ENPEP: variants seen among roughly 807,000 people sequenced by gnomAD.
ENPEP encodes the protein AP-A.
A neutral mutation model predicts 114.5 loss-of-function variants in ENPEP; 103 were observed. That is an observed-to-expected ratio of 0.90 (90% CI 0.77 to 1.06). The LOEUF is 1.06. Among genes scored for constraint, ENPEP ranks in the 50% least tolerant of loss-of-function variants. ENPEP has a pLI of 0.00. For synonymous variants in ENPEP, 420 were observed against 422.0 expected (o/e 1.00, Z 0.06); for missense variants, 1,196 against 1,161.3 (o/e 1.03, Z -0.43).
intron 10 of ENPEP, among the ~76,000 whole-genome samples, chr4:110,525,346 C>A (rs1354490247): frequency 6.6e-6 from 1 of 152,202 alleles, no homozygotes; most frequent in Non-Finnish European, 1.5e-5. Flanking sequence ...CCCAGCTGAG[C>A]CCCTCCTAGA....
rs1361740383 is a variant in ENPEP at position 110,491,132 on chromosome 4, T to G, written c.886T>G (p.Ser296Ala). ...GTGCTTTGCTGTACATCAATTTGAC[T>G]CTGTAAAGAGAATATCAAATAGTGG... ...LVCFAVHQFD[S>A]VKRISNSGKP... Residue 296 changes from serine (S) to alanine (A), a missense_variant, in exon 3 of 20, where the codon TCT becomes GCT. Transcript: ENST00000265162. 1 of 1,611,370 alleles carries G rather than the reference T, an allele frequency of 6.2e-7. No individual in the cohort carries two copies.
Position 110,561,854 on chromosome 4 carries a change from G to T in ENPEP, c.*296G>T. 1 of 195,918 alleles carries T rather than the reference G, an allele frequency of 5.1e-6. No individual in the cohort carries two copies. 12.1% of individuals were successfully genotyped at this position (195,918 alleles called of 1,614,324 possible). ...TTAATACCTTTAAATATCATTCTTT[G>T]TATCTTAAATCTGTGAAGTAGAACA... On this transcript the variant is annotated 3_prime_UTR_variant, in exon 20 of 20. Coordinates refer to ENST00000265162, the MANE Select transcript of ENPEP (RefSeq NM_001977.4).
intron 18 of ENPEP, among the ~76,000 whole-genome samples, chr4:110,555,147 C>T (rs1465740891): frequency 6.6e-6 from 1 of 151,860 alleles, no homozygotes; most frequent in Non-Finnish European, 1.5e-5. Flanking sequence ...AACTCTTGCC[C>T]AAGGCTTTAG....
intron 10 of ENPEP, among the ~76,000 whole-genome samples, chr4:110,524,276 A>G (rs2110367019): frequency 6.6e-6 from 1 of 152,262 alleles, no homozygotes. Flanking sequence ...GGCCTGTGGG[A>G]AGGGTGAGTA....
intron 10 of ENPEP, among the ~76,000 whole-genome samples, chr4:110,521,231 A>G (rs535883790): frequency 2.6e-5 from 4 of 152,066 alleles, no homozygotes; most frequent in Admixed American, 2.6e-4. Context: ...GCACTGGAGT[A>G]TGGTAGTTCA....
chr4:110,483,519 C>T (rs917183988), intron 1 of ENPEP, among the ~76,000 whole-genome samples: 7 of 151,984 alleles, frequency 4.6e-5, no homozygotes, highest in African/African-American at 9.7e-5. Flanking sequence ...CTTGTGCCAT[C>T]GCCCCTTCTC....
At chr4:110,526,424 A>G (rs1726199694) in intron 10 of ENPEP, among the ~76,000 whole-genome samples, 1 of 152,240 alleles carries the variant, frequency 6.6e-6, no homozygotes, top group South Asian at 2.1e-4. Flanking sequence ...TTTATTTTAT[A>G]GTAAATGAGG....
At chr4:110,556,117 A>G (rs1727458763) in intron 18 of ENPEP, among the ~76,000 whole-genome samples, 1 of 152,120 alleles carries the variant, frequency 6.6e-6, no homozygotes, top group Non-Finnish European at 1.5e-5. Flanking sequence ...AGCTGCAATT[A>G]GCAGACTTTC....
At chr4:110,553,247 T>C in intron 17 of ENPEP, 68 bp from the exon 18 acceptor site, 2 of 1,380,694 alleles carry the variant, frequency 1.4e-6, no homozygotes, top group South Asian at 3.6e-5. Context: ...CTATTTTGTA[T>C]TGGAATTTAG....
intron 11 of ENPEP, among the ~76,000 whole-genome samples, chr4:110,536,606 A>G (rs1726639379): frequency 6.6e-6 from 1 of 152,236 alleles, no homozygotes; most frequent in South Asian, 2.1e-4. Context: ...TCTCTGTCAC[A>G]TACACTGTTT....
intron 17 of ENPEP, among the ~76,000 whole-genome samples, chr4:110,552,145 G>A (rs549451263): frequency 2.6e-5 from 4 of 152,198 alleles, no homozygotes; most frequent in South Asian, 2.1e-4. Flanking sequence ...CCCACAAGTC[G>A]AAGGAACCAG....
At chr4:110,548,469 T>A in intron 14 of ENPEP, 143 bp downstream of exon 14, 2 of 587,434 alleles carry the variant, frequency 3.4e-6, no homozygotes, top group African/African-American at 1.9e-5. Flanking sequence ...ATGACTTGAC[T>A]AATCAAAGCA....
chr4:110,514,330 A>T (rs1438854881), intron 7 of ENPEP, among the ~76,000 whole-genome samples: 1 of 152,110 alleles, frequency 6.6e-6, no homozygotes, highest in African/African-American at 2.4e-5. Flanking sequence ...TAAAATGAAT[A>T]CTTGAGTGAA....
Position 110,561,626 on chromosome 4 carries a change from A to C in ENPEP, c.*68A>C. Reference sequence around the variant, plus strand: ...CTCCTCTGAAGCATTTGGTGGCCTAATTTACAAGCACGATGGAGAGAGCCT... The same window carrying C: ...CTCCTCTGAAGCATTTGGTGGCCTACTTTACAAGCACGATGGAGAGAGCCT... On this transcript the variant is annotated 3_prime_UTR_variant, in exon 20 of 20. Transcript: ENST00000265162. The C allele has an allele frequency of 6.8e-7, 1 of 1,468,384 alleles. No homozygotes were observed. The highest frequency in any genetic ancestry group is 9.3e-7 in the Non-Finnish European group (1 of 1,073,914). 91.0% of individuals were successfully genotyped at this position (1,468,384 alleles called of 1,614,324 possible). A position where few individuals can be genotyped will look rare whatever the true frequency, so the allele number is the denominator to read the frequency against.
chr4:110,484,025 A>G (rs1350796897), intron 1 of ENPEP, among the ~76,000 whole-genome samples: 1 of 152,208 alleles, frequency 6.6e-6, no homozygotes, highest in Non-Finnish European at 1.5e-5. Context: ...TACATTGCCT[A>G]TAGTGTATAT....
At chr4:110,550,534 G>A (rs941218811) in intron 17 of ENPEP, among the ~76,000 whole-genome samples, 4 of 152,026 alleles carry the variant, frequency 2.6e-5, no homozygotes, top group African/African-American at 9.7e-5. Context: ...AGGAGTGTCT[G>A]CCGCAAATGC....
At position 110,563,862 on chromosome 4, in the gene ENPEP, G is replaced by A. The variant is rs1578425238; in HGVS notation, c.*2304G>A. 1 of 152,252 alleles carries A rather than the reference G, an allele frequency of 6.6e-6. No individual in the cohort carries two copies. Among genetic ancestry groups the A allele is most frequent in the Admixed American group, 6.5e-5 (1 of 15,274 alleles). 9.4% of individuals were successfully genotyped at this position (152,252 alleles called of 1,614,324 possible). ...GACGTAAAACTGACAGGCAAGGGAG[G>A]TTTGGGAAACAGGGGTGAGATGTAT... On this transcript the variant is annotated 3_prime_UTR_variant, in exon 20 of 20. Transcript: ENST00000265162.
intron 1 of ENPEP, among the ~76,000 whole-genome samples, chr4:110,484,164 C>G (rs1361215334): frequency 6.6e-6 from 1 of 152,084 alleles, no homozygotes; most frequent in Non-Finnish European, 1.5e-5. Flanking sequence ...TGAGGTATAT[C>G]CTAACCACAT....
In ENPEP at chr4:110,509,747, A is replaced by ATCAGCC; in HGVS notation, c.1138_1143dup (p.Ala380_Ser381dup). ...CGAACCTGCTTTATGACCCTAAGGA[A>ATCAGCC]TCAGCCTCATCAAACCAACAGAGGG... On this transcript the variant is annotated inframe_insertion, in exon 5 of 20. Coordinates refer to ENST00000265162, the MANE Select transcript of ENPEP (RefSeq NM_001977.4). The ATCAGCC allele has an allele frequency of 6.2e-7, 1 of 1,614,220 alleles. No individual in the cohort carries two copies. Among genetic ancestry groups the ATCAGCC allele is most frequent in the South Asian group, 1.1e-5 (1 of 91,088 alleles).
Sources: gnomAD v4.1 joint callset for allele counts (sites outside exome capture counted in the v4.1 genomes callset) on GRCh38, gnomAD v4.1.1 for gene constraint, MANE v1.5 for transcripts, NCBI Gene and HGNC (gene_info 2026-07-23, HGNC 2026-07-21) for gene names.